CNTNAP5: variants seen among roughly 807,000 people sequenced by gnomAD.
The protein encoded by CNTNAP5 is contactin-associated protein-like 5.
CNTNAP5 carries 72 observed loss-of-function variants against 150.2 expected under a neutral mutation model. The observed-to-expected ratio is 0.48, with a 90% confidence interval of 0.40 to 0.58. The LOEUF is 0.58. Among genes scored for constraint, CNTNAP5 ranks in the 20% least tolerant of loss-of-function variants. CNTNAP5 has a pLI of 0.00. For synonymous variants in CNTNAP5, 672 were observed against 619.8 expected (o/e 1.08, Z -1.25); for missense variants, 1,636 against 1,626.2 (o/e 1.01, Z -0.10).
intron 12 of CNTNAP5, among the ~76,000 whole-genome samples, chr2:124,625,893 C>T (rs1005056904): frequency 6.6e-6 from 1 of 152,206 alleles, no homozygotes; most frequent in African/African-American, 2.4e-5. Flanking sequence ...ATTCGTACAA[C>T]TATCCTGTAG....
chr2:124,808,744 T>C (rs1222981672), intron 19 of CNTNAP5, among the ~76,000 whole-genome samples: 1 of 152,194 alleles, frequency 6.6e-6, no homozygotes, highest in Non-Finnish European at 1.5e-5. Context: ...GAAGGCTGCC[T>C]CTGCCCCAAT....
chr2:124,038,727 C>G (rs942185958), intron 1 of CNTNAP5, among the ~76,000 whole-genome samples: 3 of 152,222 alleles, frequency 2.0e-5, no homozygotes, highest in Admixed American at 6.5e-5. Flanking sequence ...TACCATCCAG[C>G]CTGCCCTTCT....
At chr2:124,340,489 A>G (rs1389036622) in intron 3 of CNTNAP5, among the ~76,000 whole-genome samples, 1 of 152,048 alleles carries the variant, frequency 6.6e-6, no homozygotes, top group Non-Finnish European at 1.5e-5. Flanking sequence ...CAAATAATAT[A>G]CCATACTCTG....
intron 1 of CNTNAP5, among the ~76,000 whole-genome samples, chr2:124,180,805 G>A (rs1355977281): frequency 7.6e-6 from 1 of 132,316 alleles, no homozygotes; most frequent in East Asian, 2.1e-4. Flanking sequence ...TTCAAGCTCT[G>A]CTGTGTAAGT....
At chr2:124,648,292 C>A (rs889759482) in intron 13 of CNTNAP5, among the ~76,000 whole-genome samples, 3 of 152,044 alleles carry the variant, frequency 2.0e-5, no homozygotes, top group African/African-American at 7.2e-5. Context: ...GAAAGTGTGG[C>A]CATGGGAAAT....
chr2:124,899,936 A>C (rs1166109592), intron 21 of CNTNAP5, among the ~76,000 whole-genome samples: 2 of 151,442 alleles, frequency 1.3e-5, no homozygotes, highest in South Asian at 2.1e-4. Flanking sequence ...CCCATTTTTT[A>C]GATAATTTAT....
chr2:124,864,422 A>G (rs1677586546), intron 19 of CNTNAP5, among the ~76,000 whole-genome samples: 1 of 152,100 alleles, frequency 6.6e-6, no homozygotes, highest in African/African-American at 2.4e-5. Flanking sequence ...AACTCTAGTC[A>G]TCCTACAGTG....
At chr2:124,309,024 G>C (rs1399785647) in intron 3 of CNTNAP5, among the ~76,000 whole-genome samples, 1 of 152,156 alleles carries the variant, frequency 6.6e-6, no homozygotes, top group Non-Finnish European at 1.5e-5. Context: ...TGAAAACTCA[G>C]ATGAGACCAA....
chr2:124,231,089 T>C (rs1686605742), intron 2 of CNTNAP5, among the ~76,000 whole-genome samples: 1 of 152,182 alleles, frequency 6.6e-6, no homozygotes, highest in South Asian at 2.1e-4. Context: ...TCTTGGCTTC[T>C]ACCCAGAACT....
At chr2:124,066,699 A>C (rs1399580380) in intron 1 of CNTNAP5, among the ~76,000 whole-genome samples, 1 of 152,178 alleles carries the variant, frequency 6.6e-6, no homozygotes, top group Admixed American at 6.5e-5. Context: ...AAATCAGGAC[A>C]CTGGAAAACA....
At chr2:124,593,111 A>G (rs1217562145) in intron 11 of CNTNAP5, among the ~76,000 whole-genome samples, 6 of 117,088 alleles carry the variant, frequency 5.1e-5, no homozygotes, top group Non-Finnish European at 1.1e-4. Flanking sequence ...TTCAATATTT[A>G]TTTATTTATT....
intron 19 of CNTNAP5, among the ~76,000 whole-genome samples, chr2:124,838,411 G>T (rs1682874450): frequency 6.6e-6 from 1 of 152,104 alleles, no homozygotes; most frequent in African/African-American, 2.4e-5. Flanking sequence ...TGGGCACACA[G>T]GCTTAAGATT....
chr2:124,865,282 A>G (rs1278160544), intron 19 of CNTNAP5, 24 bp from the exon 20 acceptor site: 2 of 1,541,164 alleles, frequency 1.3e-6, no homozygotes, highest in African/African-American at 1.4e-5. Flanking sequence ...TTTATATTCT[A>G]ATTTCTAATA....
chr2:124,817,028 T>G (rs745748497), intron 19 of CNTNAP5, among the ~76,000 whole-genome samples: 13 of 152,216 alleles, frequency 8.5e-5, no homozygotes, highest in Non-Finnish European at 1.8e-4. Context: ...TTCTCCCACA[T>G]AAGTAGTCCT....
chr2:124,420,587 G>GT (rs1692077187), intron 4 of CNTNAP5, among the ~76,000 whole-genome samples: 1 of 152,170 alleles, frequency 6.6e-6, no homozygotes, highest in African/African-American at 2.4e-5. Flanking sequence ...GCTGTGATAT[G>GT]TTTGGTGTCT....
chr2:124,354,529 G>A (rs1410303602), intron 3 of CNTNAP5, among the ~76,000 whole-genome samples: 1 of 152,188 alleles, frequency 6.6e-6, no homozygotes, highest in East Asian at 1.9e-4. Flanking sequence ...TGCCAGATGG[G>A]AAATTGGCTG....
intron 7 of CNTNAP5, among the ~76,000 whole-genome samples, chr2:124,501,103 TC>T (rs1694269929): frequency 6.6e-6 from 1 of 152,208 alleles, no homozygotes; most frequent in African/African-American, 2.4e-5. Flanking sequence ...CTCACTGACT[TC>T]CTTTCAATCT....
intron 13 of CNTNAP5, among the ~76,000 whole-genome samples, chr2:124,668,415 G>A (rs1441627676): frequency 1.3e-5 from 2 of 152,210 alleles, no homozygotes; most frequent in East Asian, 3.9e-4. Context: ...GGGCAAGGAG[G>A]AAATTGAGCA....
At chr2:124,719,592 A>G (rs1283803247) in intron 13 of CNTNAP5, among the ~76,000 whole-genome samples, 1 of 152,152 alleles carries the variant, frequency 6.6e-6, no homozygotes, top group Non-Finnish European at 1.5e-5. Flanking sequence ...TAAATTTGAA[A>G]ACCTCCTTGC....
Sources: allele counts gnomAD v4.1 joint callset (sites outside exome capture counted in the v4.1 genomes callset), GRCh38; gene constraint gnomAD v4.1.1; transcripts MANE v1.5; gene names NCBI Gene and HGNC (gene_info 2026-07-23, HGNC 2026-07-21).